CPED1: variants seen among roughly 807,000 people sequenced by gnomAD.
CPED1 encodes the protein cadherin-like and PC-esterase domain-containing protein 1.
CPED1 carries 114 observed loss-of-function variants against 128.2 expected under a neutral mutation model. That is an observed-to-expected ratio of 0.89 (90% confidence interval 0.76 to 1.04). The LOEUF (loss-of-function observed/expected upper bound fraction) is 1.04, where lower values mean the gene tolerates loss of function less well. Ranked by LOEUF, CPED1 falls within the 50% of genes least tolerant of loss-of-function variation. The pLI is 0.00. For missense variants in CPED1, 1,211 were observed against 1,207.1 expected, an observed-to-expected ratio of 1.00 and a Z score of -0.05; for synonymous variants, 462 against 426.7, an observed-to-expected ratio of 1.08 and a Z score of -1.02.
intron 4 of CPED1, among the ~76,000 whole-genome samples, chr7:121,060,315 A>T (rs1372603180): frequency 6.6e-6 from 1 of 152,230 alleles, no homozygotes; most frequent in African/African-American, 2.4e-5. Flanking sequence ...AGGGCTGAGG[A>T]GTGCGGGCGC....
At chr7:121,233,306 A>G (rs1798177758) in intron 16 of CPED1, among the ~76,000 whole-genome samples, 1 of 152,078 alleles carries the variant, frequency 6.6e-6, no homozygotes, top group Non-Finnish European at 1.5e-5. Context: ...TTCTGGAGCT[A>G]ATGCTGATTT....
chr7:121,284,285 A>G (rs1354179429), intron 22 of CPED1, among the ~76,000 whole-genome samples: 1 of 152,188 alleles, frequency 6.6e-6, no homozygotes, highest in East Asian at 1.9e-4. Flanking sequence ...GGTCCCTCTC[A>G]TAACACGTGT....
intron 16 of CPED1, among the ~76,000 whole-genome samples, chr7:121,185,402 A>G (rs527283698): frequency 6.6e-6 from 1 of 152,308 alleles, no homozygotes; most frequent in East Asian, 1.9e-4. Flanking sequence ...ATTTCAAAGT[A>G]TCTATTTTTA....
intron 5 of CPED1, among the ~76,000 whole-genome samples, chr7:121,076,016 G>A (rs180824516): frequency 1.7e-3 from 256 of 152,278 alleles, no homozygotes; most frequent in African/African-American, 5.7e-3. Flanking sequence ...GGACTGAGAC[G>A]CCCTGAGGGT....
At chr7:121,115,835 A>G (rs191047118) in intron 7 of CPED1, among the ~76,000 whole-genome samples, 30 of 152,340 alleles carry the variant, frequency 2.0e-4, no homozygotes, top group Non-Finnish European at 1.8e-4. Context: ...GAACAATGGC[A>G]TTCATATAAA....
At chr7:121,008,493 G>T (rs1792081387) in intron 2 of CPED1, among the ~76,000 whole-genome samples, 1 of 152,124 alleles carries the variant, frequency 6.6e-6, no homozygotes, top group Non-Finnish European at 1.5e-5. Flanking sequence ...GCAAGGAAAA[G>T]ATAGGAAGAT....
chr7:121,122,388 G>C (rs953059222), intron 7 of CPED1, among the ~76,000 whole-genome samples: 1 of 152,106 alleles, frequency 6.6e-6, no homozygotes, highest in African/African-American at 2.4e-5. Flanking sequence ...TGATCCACCC[G>C]CCTTGGCCTC....
intron 22 of CPED1, among the ~76,000 whole-genome samples, chr7:121,283,624 C>A (rs1240947501): frequency 1.3e-5 from 2 of 152,196 alleles, no homozygotes; most frequent in African/African-American, 4.8e-5. Flanking sequence ...GGAACTGTAA[C>A]TCTGTGTAAG....
rs527960094 is a variant in CPED1 at position 121,154,640 on chromosome 7, G to A, written c.2055+12499G>A. Among the ~76,000 whole-genome samples, 3 of 152,108 alleles carry A rather than the reference G, an allele frequency of 2.0e-5. No individual in the cohort carries two copies. The South Asian group carries it at 6.2e-4, about 32-fold the overall frequency. ...GGCTCACTACAACCTCCAGCTCCCTGGTTCAAGCGATTCTCCTGCCTCAGC... is the reference window on the plus strand; with the variant it reads ...GGCTCACTACAACCTCCAGCTCCCTAGTTCAAGCGATTCTCCTGCCTCAGC... On this transcript the variant is annotated intron_variant, in intron 16 of 22. Transcript: ENST00000310396.
At chr7:121,282,222 C>G (rs757123782) in intron 22 of CPED1, among the ~76,000 whole-genome samples, 3 of 152,108 alleles carry the variant, frequency 2.0e-5, no homozygotes, top group South Asian at 2.1e-4. Context: ...ACATCTGAGG[C>G]CTTTTGTCTC....
intron 18 of CPED1, among the ~76,000 whole-genome samples, chr7:121,259,687 C>T (rs1210623339): frequency 6.6e-6 from 1 of 151,922 alleles, no homozygotes; most frequent in Non-Finnish European, 1.5e-5. Context: ...ATCAAATTTA[C>T]AACTGCAAAA....
chr7:121,125,758 C>T, intron 8 of CPED1, 62 bp from the exon 9 acceptor site: 1 of 1,197,556 alleles, frequency 8.4e-7, no homozygotes, highest in Non-Finnish European at 1.2e-6. Context: ...ATAAATAGTG[C>T]ATTAATAAAC....
At chr7:121,019,337 T>A (rs1362204205) in intron 3 of CPED1, among the ~76,000 whole-genome samples, 2 of 152,028 alleles carry the variant, frequency 1.3e-5, no homozygotes, top group Admixed American at 6.6e-5. Context: ...CAGAGTAGTA[T>A]GTGGTGGGGA....
In CPED1 at chr7:121,099,933, AC is replaced by A; in HGVS notation, c.758del (p.Thr253ArgfsTer18). On this transcript the variant is annotated frameshift_variant, in exon 7 of 23. Coordinates refer to ENST00000310396, the MANE Select transcript of CPED1 (RefSeq NM_024913.5). LOFTEE classifies it high-confidence loss of function. ...GTTTTTTTTTTTTTTTAGGAATGAA[AC>A]GACAGTCCTTGCTCCACATGAAACA... is the stretch of plus-strand genomic sequence containing the variant. Reference protein sequence around the residue: ...GDWSREQLNETTVLAPHETIF... With the variant: ...GDWSREQLNEXTVLAPHETIF... 6.2e-7 allele frequency: 1 copy of A among 1,608,668 alleles called. No homozygotes were observed. The highest frequency in any genetic ancestry group is 1.7e-4 in the Middle Eastern group (1 of 6,006).
At position 121,236,710 on chromosome 7, in the gene CPED1, G is replaced by A; in HGVS notation, c.2056-4G>A. 6.5e-7 allele frequency: 1 copy of A among 1,538,768 alleles called. No homozygotes were observed. The highest frequency in any genetic ancestry group is 8.8e-7 in the Non-Finnish European group (1 of 1,132,488). On this transcript the variant is annotated splice_region_variant and splice_polypyrimidine_tract_variant and intron_variant, in intron 16 of 22. Transcript: ENST00000310396. ...AACAACTAATATCTATTATTTTAAT[G>A]CAGGATTGTGGTTTGCTGATTCATC...
intron 22 of CPED1, among the ~76,000 whole-genome samples, chr7:121,289,437 G>C (rs1792647035): frequency 6.6e-6 from 1 of 151,950 alleles, no homozygotes; most frequent in African/African-American, 2.4e-5. Context: ...TCTACCAAAA[G>C]GTCACTATTG....
At position 121,266,319 on chromosome 7, in the gene CPED1, T is replaced by C; in HGVS notation, c.2403T>C (p.His801=). 1 of 1,613,254 alleles carries C rather than the reference T, an allele frequency of 6.2e-7. No individual in the cohort carries two copies. The highest frequency in any genetic ancestry group is 1.1e-5 in the South Asian group (1 of 91,070). The part of the protein sequence containing the change: ...NETLQEWQKV[H]GTKFYHNVNG... ...CGTTGCAGGAATGGCAGAAAGTACA[T>C]GGCACTAAATTCTATCACAACGTCA... is the stretch of plus-strand genomic sequence containing the variant. The change falls in exon 19 of 23, where the codon CAT becomes CAC. Residue 801 remains histidine, a synonymous_variant. Transcript: ENST00000310396.
intron 16 of CPED1, among the ~76,000 whole-genome samples, chr7:121,150,035 C>G (rs1796120509): frequency 6.6e-6 from 1 of 151,992 alleles, no homozygotes; most frequent in Non-Finnish European, 1.5e-5. Context: ...ATCTTAGATA[C>G]GAAGTATTTT....
chr7:121,214,673 G>A (rs1797720269), intron 16 of CPED1, among the ~76,000 whole-genome samples: 1 of 152,024 alleles, frequency 6.6e-6, no homozygotes, highest in Non-Finnish European at 1.5e-5. Flanking sequence ...TCATGTCGTA[G>A]ATACAAGTAT....
Sources: allele counts gnomAD v4.1 joint callset (sites outside exome capture counted in the v4.1 genomes callset), GRCh38; gene constraint gnomAD v4.1.1; transcripts MANE v1.5; gene names NCBI Gene and HGNC (gene_info 2026-07-23, HGNC 2026-07-21).